Variants in RCHY1 observed in about 807,000 individuals in gnomAD.
The protein encoded by RCHY1 is ring finger and CHY zinc finger domain containing 1.
In RCHY1, 21 loss-of-function variants were observed where a neutral mutation model predicts 41.6. The observed-to-expected ratio is 0.51, with a 90% confidence interval of 0.36 to 0.73. RCHY1 has a LOEUF of 0.73. RCHY1 is among the 30% of genes least tolerant of loss of function. The pLI is 0.00. For missense variants in RCHY1, 265 were observed against 325.3 expected, an observed-to-expected ratio of 0.81 and a Z score of 1.43; for synonymous variants, 79 against 102.9, an observed-to-expected ratio of 0.77 and a Z score of 1.41.
chr4:75,485,185 T>C (rs1721883949), intron 8 of RCHY1, among the ~76,000 whole-genome samples: 1 of 152,220 alleles, frequency 6.6e-6, no homozygotes, highest in Admixed American at 6.5e-5. Context: ...GGCATGGACA[T>C]GGACACTAAG....
Position 75,482,450 on chromosome 4 carries a change from A to G in RCHY1, c.*88T>C. 1 of 1,255,308 alleles carries G rather than the reference A, an allele frequency of 8.0e-7. No homozygotes were observed. The highest frequency in any genetic ancestry group is 1.1e-6 in the Non-Finnish European group (1 of 922,974). 77.8% of individuals were successfully genotyped at this position (1,255,308 alleles called of 1,614,324 possible). On this transcript the variant is annotated 3_prime_UTR_variant, in exon 9 of 9. Coordinates refer to ENST00000324439, the MANE Select transcript of RCHY1 (RefSeq NM_015436.4). ...GTACAAAACACATCAACTCTAATGC[A>G]TAGATGACGACACATGATAACACGA...
At position 75,511,629 on chromosome 4, in the gene RCHY1, T is replaced by C. The variant is rs533466686; in HGVS notation, c.91-2333A>G. 5.3e-5 allele frequency among the ~76,000 whole-genome samples: 8 copies of C among 152,250 alleles called. No individual in the cohort carries two copies. In the South Asian group the frequency reaches 1.7e-3, roughly 32 times the overall value. ...TTGAACAGCATATTAAAAGATATATTCAAGGGTTGAGATTTGGTTAAAATT... is the reference window on the plus strand; with the variant it reads ...TTGAACAGCATATTAAAAGATATATCCAAGGGTTGAGATTTGGTTAAAATT... On this transcript the variant is annotated intron_variant, in intron 1 of 8. Transcript: ENST00000324439.
At chr4:75,502,309 G>A (rs1723851942) in intron 3 of RCHY1, among the ~76,000 whole-genome samples, 1 of 152,160 alleles carries the variant, frequency 6.6e-6, no homozygotes, top group African/African-American at 2.4e-5. Context: ...GGGAGGCCAA[G>A]GCAGGTGGAT....
rs750296661 is a variant in RCHY1 at position 75,514,402 on chromosome 4, A to T, written c.-116T>A. ...AGCCCCAGCGGCCACTAGCGACAAT[A>T]TGGCTCCTAAGCACGTGACCCGGGG... On this transcript the variant is annotated 5_prime_UTR_variant, in exon 1 of 9. Transcript: ENST00000324439. The T allele has an allele frequency of 7.0e-6, 8 of 1,148,588 alleles. No homozygotes were observed. Among genetic ancestry groups the T allele is most frequent in the Non-Finnish European group, 9.7e-6 (8 of 826,878 alleles). The allele number at this position is 1,148,588 out of a possible 1,614,324, so 71.1% of individuals were successfully genotyped here.
intron 8 of RCHY1, among the ~76,000 whole-genome samples, chr4:75,487,153 T>G (rs982623125): frequency 2.0e-5 from 3 of 152,038 alleles, no homozygotes; most frequent in Non-Finnish European, 4.4e-5. Flanking sequence ...ATTGGATGGA[T>G]TTGTTTACAA....
rs1722657035 is a variant in RCHY1 at position 75,490,591 on chromosome 4, A to G, written c.647T>C (p.Met216Thr). 1 of 1,612,298 alleles carries G rather than the reference A, an allele frequency of 6.2e-7. No individual in the cohort carries two copies. The highest frequency in any genetic ancestry group is 1.3e-5 in the African/African-American group (1 of 74,786). The change falls in exon 8 of 9, where the codon ATG becomes ACG. Residue 216 changes from methionine (M) to threonine (T), a missense_variant. Physicochemically the swap from Met to Thr is moderately conservative, Grantham distance 81 (BLOSUM62 -1). Transcript: ENST00000324439. ...QTPMPSEYQN[M>T]TVDILCNDCN... The stretch of plus-strand genomic sequence containing the variant: ...ATTGATTCTACTCACATCCACAGTC[A>G]TGTTCTGATATTCTGATGGCATAGG...
intron 3 of RCHY1, among the ~76,000 whole-genome samples, chr4:75,500,318 T>C (rs1170586830): frequency 6.6e-6 from 1 of 152,158 alleles, no homozygotes; most frequent in Non-Finnish European, 1.5e-5. Flanking sequence ...TATAATAAGC[T>C]CTGGTGCTTA....
At position 75,503,065 on chromosome 4, in the gene RCHY1, A is replaced by G. The variant is rs950383843; in HGVS notation, c.326+5755T>C. Among the ~76,000 whole-genome samples the G allele has an allele frequency of 3.9e-5, 6 of 152,212 alleles. No individual in the cohort carries two copies. In the East Asian group the frequency reaches 7.7e-4, roughly 20 times the overall value. The stretch of plus-strand genomic sequence containing the variant: ...TAGACTGAAGGTTCTCCACCTAGGC[A>G]ATATTTACATTTTGAACCAGATAAT... On this transcript the variant is annotated intron_variant, in intron 3 of 8. Coordinates refer to ENST00000324439, the MANE Select transcript of RCHY1 (RefSeq NM_015436.4).
chr4:75,492,684 A>G (rs1722855738), intron 4 of RCHY1, among the ~76,000 whole-genome samples: 1 of 151,962 alleles, frequency 6.6e-6, no homozygotes, highest in Non-Finnish European at 1.5e-5. Flanking sequence ...AATAAAAGAT[A>G]ACTGAAAAAC....
intron 3 of RCHY1, among the ~76,000 whole-genome samples, chr4:75,497,326 C>T (rs1030711948): frequency 1.3e-5 from 2 of 152,248 alleles, no homozygotes; most frequent in Admixed American, 6.5e-5. Context: ...GATGTGTTTA[C>T]CTACAGTAAC....
intron 7 of RCHY1, 107 bp from the exon 8 acceptor site, chr4:75,490,808 A>G (rs1722678448): frequency 1.4e-6 from 1 of 727,804 alleles, no homozygotes; most frequent in Non-Finnish European, 2.2e-6. Context: ...CAAAACAGGC[A>G]TTTTCCTCCA....
intron 3 of RCHY1, among the ~76,000 whole-genome samples, chr4:75,503,723 T>C (rs1326044868): frequency 6.6e-6 from 1 of 151,524 alleles, no homozygotes; most frequent in African/African-American, 2.4e-5. Flanking sequence ...AAAAAGAAAA[T>C]ATGGTATCCT....
chr4:75,491,651 T>G lies in RCHY1; in HGVS notation c.510-14A>C. On this transcript the variant is annotated splice_polypyrimidine_tract_variant and intron_variant, in intron 6 of 8. Transcript: ENST00000324439. ...TCATAACACGTTCTGAAAGAAAATA[T>G]AAGATTATTTTAGTAAAACAAAAAC... 6.3e-7 allele frequency: 1 copy of G among 1,597,784 alleles called. No individual in the cohort carries two copies. The highest frequency in any genetic ancestry group is 8.6e-7 in the Non-Finnish European group (1 of 1,166,338).
chr4:75,483,730 T>C (rs1199515624), intron 8 of RCHY1, among the ~76,000 whole-genome samples: 4 of 152,196 alleles, frequency 2.6e-5, no homozygotes, highest in Non-Finnish European at 5.9e-5. Flanking sequence ...TCCACATGAA[T>C]TATGAAACAC....
rs370747865 is a variant in RCHY1 at position 75,514,178 on chromosome 4, A to C, written c.90+19T>G. On this transcript the variant is annotated intron_variant, in intron 1 of 8. Coordinates refer to ENST00000324439, the MANE Select transcript of RCHY1 (RefSeq NM_015436.4). ...ACCTGACGGAAGCTTGTCAGGGAAG[A>C]GTCCATAGAAGGCGTCACCTTTAGG... 1 of 1,597,578 alleles carries C rather than the reference A, an allele frequency of 6.3e-7. No individual in the cohort carries two copies. The highest frequency in any genetic ancestry group is 8.6e-7 in the Non-Finnish European group (1 of 1,166,580).
chr4:75,514,086 C>A, intron 1 of RCHY1, 111 bp downstream of exon 1: 1 of 1,498,150 alleles, frequency 6.7e-7, no homozygotes, highest in Non-Finnish European at 9.0e-7. Context: ...GAAAAGGTAT[C>A]CTGAAAATCA....
At position 75,482,139 on chromosome 4, in the gene RCHY1, C is replaced by A. The variant is rs1721570127; in HGVS notation, c.*399G>T. ...TAAGGGAGAACTTAATATAACACAG[C>A]CCTTAAAAAGTCAAGACTACTACTG... is the stretch of plus-strand genomic sequence containing the variant. On this transcript the variant is annotated 3_prime_UTR_variant, in exon 9 of 9. Coordinates refer to ENST00000324439, the MANE Select transcript of RCHY1 (RefSeq NM_015436.4). 6.5e-6 allele frequency: 1 copy of A among 152,876 alleles called. No homozygotes were observed. Among genetic ancestry groups the A allele is most frequent in the Admixed American group, 6.5e-5 (1 of 15,288 alleles). The allele number at this position is 152,876 out of a possible 1,614,324, so 9.5% of individuals were successfully genotyped here. A position where few individuals can be genotyped will look rare whatever the true frequency, so the allele number is the denominator to read the frequency against.
At chr4:75,500,741 T>C (rs1723670396) in intron 3 of RCHY1, among the ~76,000 whole-genome samples, 1 of 152,146 alleles carries the variant, frequency 6.6e-6, no homozygotes, top group Non-Finnish European at 1.5e-5. Context: ...TGTTCATCCT[T>C]GCCTTATAGA....
chr4:75,484,554 A>G (rs977709061), intron 8 of RCHY1, among the ~76,000 whole-genome samples: 1 of 152,126 alleles, frequency 6.6e-6, no homozygotes, highest in Non-Finnish European at 1.5e-5. Context: ...ACATTTAAGT[A>G]GAGAAAAATC....
Sources: allele counts gnomAD v4.1 joint callset (sites outside exome capture counted in the v4.1 genomes callset), GRCh38; gene constraint gnomAD v4.1.1; transcripts MANE v1.5; gene names NCBI Gene and HGNC (gene_info 2026-07-23, HGNC 2026-07-21).